Variants in RFWD3 observed in about 807,000 individuals in gnomAD.
RFWD3 encodes E3 ubiquitin-protein ligase RFWD3.
In RFWD3, 65 loss-of-function variants were observed where a neutral mutation model predicts 87.7. The observed-to-expected ratio is 0.74, with a 90% CI of 0.61 to 0.91. The LOEUF is 0.91. Among genes scored for constraint, RFWD3 ranks in the 40% least tolerant of loss-of-function variants. The pLI, the probability that RFWD3 is intolerant of heterozygous loss-of-function variation, is 0.00. For missense variants in RFWD3, 1,078 were observed against 938.5 expected (o/e 1.15, Z -1.94); for synonymous variants, 433 against 352.8 (o/e 1.23, Z -2.55).
chr16:74,643,767 A>C (rs1306527119), intron 6 of RFWD3, among the ~76,000 whole-genome samples: 1 of 141,604 alleles, frequency 7.1e-6, no homozygotes, highest in Non-Finnish European at 1.5e-5. Flanking sequence ...GCTCTGCCTC[A>C]CGGGTTCACG....
chr16:74,660,298 G>T (rs1436569995), intron 2 of RFWD3, among the ~76,000 whole-genome samples: 2 of 152,114 alleles, frequency 1.3e-5, no homozygotes, highest in Non-Finnish European at 2.9e-5. Context: ...AAACAGACAG[G>T]TTTAATTAGT....
rs536151078 is a variant in RFWD3 at position 74,655,078 on chromosome 16, T to C, written c.519-2956A>G. Among the ~76,000 whole-genome samples, 7 of 152,334 alleles carry C rather than the reference T, an allele frequency of 4.6e-5. No homozygotes were observed. In the South Asian group the frequency reaches 1.4e-3, roughly 32 times the overall value. Reference sequence around the variant, plus strand: ...CTAGCTAAGACAATTGATGAAAGTATCTACACTAAAAAGATTCTCAGTGTA... The same window carrying C: ...CTAGCTAAGACAATTGATGAAAGTACCTACACTAAAAAGATTCTCAGTGTA... On this transcript the variant is annotated intron_variant, in intron 2 of 12. Coordinates refer to ENST00000361070, the MANE Select transcript of RFWD3 (RefSeq NM_018124.4).
chr16:74,645,078 C>T (rs1017322591), intron 4 of RFWD3, among the ~76,000 whole-genome samples: 3 of 152,146 alleles, frequency 2.0e-5, no homozygotes, highest in African/African-American at 2.4e-5. Flanking sequence ...GATACAAATG[C>T]TTACAAGAAA....
chr16:74,647,532 C>G (rs1960243573), intron 4 of RFWD3, among the ~76,000 whole-genome samples: 1 of 152,072 alleles, frequency 6.6e-6, no homozygotes. Flanking sequence ...AGGTGACTCA[C>G]CCACCTTGAC....
intron 4 of RFWD3, among the ~76,000 whole-genome samples, chr16:74,647,987 G>A (rs1960287189): frequency 6.6e-6 from 1 of 151,896 alleles, no homozygotes. Flanking sequence ...GTCTCACTCT[G>A]CTGCCATGGA....
chr16:74,643,208 T>A (rs955849639), intron 6 of RFWD3, among the ~76,000 whole-genome samples: 3 of 152,168 alleles, frequency 2.0e-5, no homozygotes, highest in African/African-American at 7.2e-5. Flanking sequence ...CTTGAACTCC[T>A]GGTCTTAAGC....
chr16:74,665,766 G>C (rs1181797174), intron 1 of RFWD3, among the ~76,000 whole-genome samples: 2 of 148,924 alleles, frequency 1.3e-5, no homozygotes, highest in African/African-American at 4.9e-5. Context: ...CTTTTTTTGA[G>C]ATGGAGTTTC....
intron 6 of RFWD3, chr16:74,644,101 A>C (rs1959909569): frequency 1.9e-6 from 1 of 531,472 alleles, no homozygotes; most frequent in Admixed American, 3.1e-5. Context: ...GGGATATGAG[A>C]AGCAAAAATG....
At position 74,661,310 on chromosome 16, in the gene RFWD3, T is replaced by G. The variant is rs1597460475; in HGVS notation, c.140A>C (p.Gln47Pro). ...QPVPADVVSS[Q>P]GVPSILQPAP... ...TGGCTGGAGGATGGATGGTACCCCC[T>G]GGCTGCTGACCACATCAGCAGGAAC... The change falls in exon 2 of 13, where the codon CAG becomes CCG. Residue 47 changes from glutamine to proline, a missense_variant. Transcript: ENST00000361070. The G allele has an allele frequency of 6.2e-7, 1 of 1,614,088 alleles. No homozygotes were observed. The highest frequency in any genetic ancestry group is 8.5e-7 in the Non-Finnish European group (1 of 1,180,020).
At chr16:74,658,767 T>C (rs1240972248) in intron 2 of RFWD3, among the ~76,000 whole-genome samples, 1 of 103,338 alleles carries the variant, frequency 9.7e-6, no homozygotes, top group Non-Finnish European at 2.1e-5. Flanking sequence ...GATTCTATAA[T>C]TTTTTTTTTT....
intron 6 of RFWD3, among the ~76,000 whole-genome samples, chr16:74,639,681 T>A (rs2144147322): frequency 6.6e-6 from 1 of 152,330 alleles, no homozygotes; most frequent in South Asian, 2.1e-4. Flanking sequence ...AAATTAATTT[T>A]AAAAAATTAA....
chr16:74,649,312 A>AACTG, intron 3 of RFWD3, 110 bp from the exon 4 acceptor site: 1 of 677,906 alleles, frequency 1.5e-6, no homozygotes, highest in Non-Finnish European at 2.5e-6. Context: ...TCCCATTTCT[A>AACTG]ACTGACAGTG....
At chr16:74,640,587 G>C (rs923458451) in intron 6 of RFWD3, among the ~76,000 whole-genome samples, 3 of 152,076 alleles carry the variant, frequency 2.0e-5, no homozygotes, top group African/African-American at 7.2e-5. Flanking sequence ...CTTGAGCCTA[G>C]GAATCTGATG....
chr16:74,660,643 G>T (rs748118061), intron 2 of RFWD3: 4 of 295,630 alleles, frequency 1.4e-5, no homozygotes, highest in Non-Finnish European at 1.9e-5. Context: ...GTAGAGACTT[G>T]CAAGTGAAGA....
chr16:74,634,687 T>A (rs1959178950), intron 8 of RFWD3, among the ~76,000 whole-genome samples: 2 of 151,738 alleles, frequency 1.3e-5, no homozygotes. Context: ...CTGTGCCCAC[T>A]TGAGTTAAAT....
rs1342569371 is a variant in RFWD3 at position 74,644,753 on chromosome 16, T to C, written c.793-18A>G. 2 of 1,583,810 alleles carry C rather than the reference T, an allele frequency of 1.3e-6. No individual in the cohort carries two copies. Among genetic ancestry groups the C allele is most frequent in the Non-Finnish European group, 8.6e-7 (1 of 1,161,116 alleles). On this transcript the variant is annotated intron_variant, in intron 4 of 12. Transcript: ENST00000361070. ...GGAGATGGCTAGATGGAAAGCAGAA[T>C]ATATTCAAATTAGAGAAAATGTAAA... is the stretch of plus-strand genomic sequence containing the variant.
chr16:74,621,833 T>A lies in RFWD3; in HGVS notation c.*2095A>T, dbSNP rs1412520282. The A allele has an allele frequency of 6.6e-6, 1 of 152,236 alleles. No individual in the cohort carries two copies. The highest frequency in any genetic ancestry group is 6.5e-5 in the Admixed American group (1 of 15,280). The allele number at this position is 152,236 out of a possible 1,614,324, so 9.4% of individuals were successfully genotyped here. ...CCTCAGCCTCCCAAGTAGCTGGGAC[T>A]ACAGGCATGCGCACCACTGCACCCA... On this transcript the variant is annotated 3_prime_UTR_variant, in exon 13 of 13. Coordinates refer to ENST00000361070, the MANE Select transcript of RFWD3 (RefSeq NM_018124.4).
chr16:74,626,158 C>A (rs1042252992), intron 12 of RFWD3, among the ~76,000 whole-genome samples, 185 bp downstream of exon 12: 1 of 152,088 alleles, frequency 6.6e-6, no homozygotes, highest in Admixed American at 6.6e-5. Context: ...CAAAGCAATA[C>A]GGAAAGCACG....
intron 2 of RFWD3, 46 bp downstream of exon 2, chr16:74,660,886 T>C (rs1961371997): frequency 6.5e-7 from 1 of 1,549,858 alleles, no homozygotes; most frequent in Non-Finnish European, 8.7e-7. Flanking sequence ...AGTTTCATAA[T>C]TTCTAGTACA....
Sources: allele counts gnomAD v4.1 joint callset (sites outside exome capture counted in the v4.1 genomes callset), GRCh38; gene constraint gnomAD v4.1.1; transcripts MANE v1.5; gene names NCBI Gene and HGNC (gene_info 2026-07-23, HGNC 2026-07-21).